LHFPL3: variants seen among roughly 807,000 people sequenced by gnomAD.
The protein encoded by LHFPL3 is LHFPL tetraspan subfamily member 3, also known as LHFPL tetraspan subfamily member 3 protein.
A neutral mutation model predicts 19.3 loss-of-function variants in LHFPL3; 5 were observed. That is an observed-to-expected ratio of 0.26 (90% CI 0.14 to 0.54). The LOEUF (loss-of-function observed/expected upper bound fraction) is 0.54, where lower values mean the gene tolerates loss of function less well. LHFPL3 is among the 20% of genes least tolerant of loss of function. LHFPL3 has a pLI of 0.94. For synonymous variants in LHFPL3, 133 were observed against 126.2 expected, an observed-to-expected ratio of 1.05 and a Z score of -0.36; for missense variants, 249 against 307.4, an observed-to-expected ratio of 0.81 and a Z score of 1.42.
intron 2 of LHFPL3, among the ~76,000 whole-genome samples, chr7:104,797,630 T>C (rs1052609533): frequency 6.6e-6 from 1 of 151,690 alleles, no homozygotes; most frequent in African/African-American, 2.4e-5. Context: ...ATAGACAACA[T>C]AGGCTAGGTG....
At chr7:104,777,564 C>A (rs898253102) in intron 2 of LHFPL3, among the ~76,000 whole-genome samples, 1 of 152,184 alleles carries the variant, frequency 6.6e-6, no homozygotes, top group Non-Finnish European at 1.5e-5. Context: ...TCTTATTTCC[C>A]TTTGCAGTTA....
At chr7:104,733,536 G>C (rs558325230) in intron 1 of LHFPL3, among the ~76,000 whole-genome samples, 1 of 152,246 alleles carries the variant, frequency 6.6e-6, no homozygotes, top group African/African-American at 2.4e-5. Flanking sequence ...CAGAGACTAG[G>C]ATTGCAACCC....
intron 1 of LHFPL3, among the ~76,000 whole-genome samples, chr7:104,520,606 T>C (rs1429371366): frequency 7.1e-6 from 1 of 141,380 alleles, no homozygotes; most frequent in Non-Finnish European, 1.5e-5. Flanking sequence ...AAGCTATTGA[T>C]TATTGCCACA....
chr7:104,476,342 T>C (rs1321678063), intron 1 of LHFPL3, among the ~76,000 whole-genome samples: 1 of 152,248 alleles, frequency 6.6e-6, no homozygotes, highest in African/African-American at 2.4e-5. Flanking sequence ...TCTTGACTGT[T>C]GTTGCCTCTT....
chr7:104,692,279 C>A (rs774905272), intron 1 of LHFPL3, among the ~76,000 whole-genome samples: 6 of 152,272 alleles, frequency 3.9e-5, no homozygotes, highest in South Asian at 4.1e-4. Context: ...AAAGAAAAAA[C>A]CCATTTTTTG....
At chr7:104,395,688 A>G (rs1276131350) in intron 1 of LHFPL3, among the ~76,000 whole-genome samples, 1 of 152,084 alleles carries the variant, frequency 6.6e-6, no homozygotes, top group Non-Finnish European at 1.5e-5. Context: ...TTTCTGTCTC[A>G]ATTTCTGCTC....
intron 1 of LHFPL3, among the ~76,000 whole-genome samples, chr7:104,491,343 T>A (rs1276753632): frequency 2.0e-5 from 3 of 151,992 alleles, no homozygotes; most frequent in East Asian, 3.9e-4. Flanking sequence ...CCCCCTCCCC[T>A]ACCCCCCAGC....
chr7:104,365,131 C>A (rs1790459506), intron 1 of LHFPL3, among the ~76,000 whole-genome samples: 1 of 151,994 alleles, frequency 6.6e-6, no homozygotes, highest in Non-Finnish European at 1.5e-5. Flanking sequence ...GAAACCTTGT[C>A]TCTACTAAAA....
intron 1 of LHFPL3, among the ~76,000 whole-genome samples, chr7:104,527,464 C>A (rs1189332950): frequency 6.6e-6 from 1 of 151,994 alleles, no homozygotes; most frequent in African/African-American, 2.4e-5. Flanking sequence ...ATTTGAAGGG[C>A]AATGCACTCG....
chr7:104,612,851 C>A (rs1238697971), intron 1 of LHFPL3, among the ~76,000 whole-genome samples: 1 of 152,154 alleles, frequency 6.6e-6, no homozygotes, highest in Non-Finnish European at 1.5e-5. Flanking sequence ...TTTGAGAATC[C>A]AAATGCTGTC....
At chr7:104,844,223 C>A (rs1272999404) in intron 2 of LHFPL3, among the ~76,000 whole-genome samples, 1 of 152,216 alleles carries the variant, frequency 6.6e-6, no homozygotes, top group East Asian at 1.9e-4. Flanking sequence ...CACCACCACC[C>A]AAATCCCCAT....
intron 2 of LHFPL3, among the ~76,000 whole-genome samples, chr7:104,872,102 G>A (rs1791847953): frequency 1.3e-5 from 2 of 151,242 alleles, no homozygotes; most frequent in South Asian, 4.2e-4. Context: ...ACTTTGGGAG[G>A]CCAAGCCGGG....
chr7:104,365,282 A>G (rs1437247889), intron 1 of LHFPL3, among the ~76,000 whole-genome samples: 1 of 152,144 alleles, frequency 6.6e-6, no homozygotes, highest in Non-Finnish European at 1.5e-5. Flanking sequence ...CTGGGCAACA[A>G]GAGTGAAACT....
intron 1 of LHFPL3, among the ~76,000 whole-genome samples, chr7:104,349,666 A>G (rs541535901): frequency 1.3e-5 from 2 of 152,352 alleles, no homozygotes; most frequent in South Asian, 4.1e-4. Flanking sequence ...GCACGTGTAT[A>G]CCTGTGTAAC....
At chr7:104,511,074 G>T (rs1446350801) in intron 1 of LHFPL3, among the ~76,000 whole-genome samples, 1 of 151,840 alleles carries the variant, frequency 6.6e-6, no homozygotes, top group African/African-American at 2.4e-5. Context: ...AAGAAAGAAA[G>T]AAAAAGGACT....
chr7:104,479,581 G>A (rs958610783), intron 1 of LHFPL3, among the ~76,000 whole-genome samples: 17 of 152,008 alleles, frequency 1.1e-4, no homozygotes, highest in African/African-American at 3.9e-4. Flanking sequence ...TAGTAGAGAC[G>A]GCGTTTCACC....
chr7:104,649,141 A>T (rs1389504930), intron 1 of LHFPL3, among the ~76,000 whole-genome samples: 1 of 152,360 alleles, frequency 6.6e-6, no homozygotes, highest in Non-Finnish European at 1.5e-5. Flanking sequence ...ATAGGTTAGC[A>T]AGCAGAATTC....
intron 1 of LHFPL3, among the ~76,000 whole-genome samples, chr7:104,332,705 TC>T (rs910436965): frequency 2.0e-5 from 3 of 152,144 alleles, no homozygotes; most frequent in Non-Finnish European, 4.4e-5. Flanking sequence ...CATTTAATTT[TC>T]GTGCCGTTAT....
intron 1 of LHFPL3, among the ~76,000 whole-genome samples, chr7:104,423,094 T>G (rs1481547212): frequency 6.6e-6 from 1 of 151,964 alleles, no homozygotes; most frequent in Non-Finnish European, 1.5e-5. Context: ...ACAGAGTGCA[T>G]AAGGTCAGTG....
Sources: gnomAD v4.1 joint callset for allele counts (sites outside exome capture counted in the v4.1 genomes callset) on GRCh38, gnomAD v4.1.1 for gene constraint, MANE v1.5 for transcripts, NCBI Gene and HGNC (gene_info 2026-07-23, HGNC 2026-07-21) for gene names.